The following SEC14L5 variants were observed in gnomAD, a reference collection of about 807,000 sequenced individuals.
SEC14L5 encodes the protein SEC14 like lipid binding 5.
A neutral mutation model predicts 84.6 loss-of-function variants in SEC14L5; 96 were observed. That is an observed-to-expected ratio of 1.13 (90% CI 0.96 to 1.34). SEC14L5 has a LOEUF of 1.34. Ranked by LOEUF, SEC14L5 falls within the 40% of genes most tolerant of loss-of-function variation. SEC14L5 has a pLI of 0.00. For missense variants in SEC14L5, 1,224 were observed against 942.5 expected, an observed-to-expected ratio of 1.30 and a Z score of -3.91; for synonymous variants, 546 against 383.4, an observed-to-expected ratio of 1.42 and a Z score of -4.95.
chr16:4,973,970 C>T (rs1955309349), intron 2 of SEC14L5, among the ~76,000 whole-genome samples: 1 of 151,200 alleles, frequency 6.6e-6, no homozygotes. Context: ...AGGTGTAAGC[C>T]ACCTCACCAG....
chr16:4,996,244 G>A (rs549257439), intron 6 of SEC14L5, 104 bp from the exon 7 acceptor site: 94 of 709,204 alleles, frequency 1.3e-4, no homozygotes, highest in Middle Eastern at 4.8e-4. Flanking sequence ...TTGGAACCAC[G>A]TTTTAGAGTC....
At chr16:4,967,708 G>T (rs1016811268) in intron 2 of SEC14L5, among the ~76,000 whole-genome samples, 1 of 150,674 alleles carries the variant, frequency 6.6e-6, no homozygotes, top group Admixed American at 6.6e-5. Flanking sequence ...GAGTAGCTGG[G>T]ATTACAGGTG....
intron 10 of SEC14L5, among the ~76,000 whole-genome samples, chr16:5,003,195 G>A (rs1487930051): frequency 6.6e-6 from 1 of 152,240 alleles, no homozygotes; most frequent in Non-Finnish European, 1.5e-5. Context: ...GGCTCTCAGG[G>A]GTGCAGGTGA....
rs1166095773 is a variant in SEC14L5 at position 5,008,587 on chromosome 16, T to C, written c.1739T>C (p.Leu580Pro). The change falls in exon 14 of 16, where the codon CTG (leucine) becomes CCG (proline). Residue 580 changes from leucine to proline, a missense_variant. Physicochemically the swap from Leu to Pro is moderately conservative, Grantham distance 98. Coordinates refer to ENST00000251170, the MANE Select transcript of SEC14L5 (RefSeq NM_014692.2). The part of the protein sequence containing the change: ...SGQLIDKGWV[L>P]GRDYSRVEAP... The stretch of plus-strand genomic sequence containing the variant: ...CAGCTGATCGACAAAGGCTGGGTCC[T>C]GGGCAGGGATTACAGCCGTGTGGAG... 5.0e-6 allele frequency: 8 copies of C among 1,606,658 alleles called. No homozygotes were observed. The highest frequency in any genetic ancestry group is 6.8e-6 in the Non-Finnish European group (8 of 1,177,958).
At position 5,018,819 on chromosome 16, in the gene SEC14L5, G is replaced by C. The variant is rs1263746705; in HGVS notation, c.*3849G>C. ...TCTTTTTTTCTACCCTGCACTCTCT[G>C]GAATTCCCCCTCCCTGCTGTAAAAT... On this transcript the variant is annotated 3_prime_UTR_variant, in exon 16 of 16. Coordinates refer to ENST00000251170, the MANE Select transcript of SEC14L5 (RefSeq NM_014692.2). 14 of 152,078 alleles carry C rather than the reference G, an allele frequency of 9.2e-5. No homozygotes were observed. Among genetic ancestry groups the C allele is most frequent in the African/African-American group, 3.4e-4 (14 of 41,402 alleles). The allele number at this position is 152,078 out of a possible 1,614,324, so 9.4% of individuals were successfully genotyped here. A position where few individuals can be genotyped will look rare whatever the true frequency, so the allele number is the denominator to read the frequency against.
intron 6 of SEC14L5, among the ~76,000 whole-genome samples, chr16:4,993,577 A>G (rs758595769): frequency 1.1e-4 from 16 of 152,218 alleles, no homozygotes; most frequent in Non-Finnish European, 2.4e-4. Context: ...CTAGTTCCCT[A>G]TTGAAGGAAA....
intron 6 of SEC14L5, among the ~76,000 whole-genome samples, chr16:4,994,386 C>G (rs1955585041): frequency 1.3e-5 from 2 of 152,022 alleles, no homozygotes; most frequent in African/African-American, 4.8e-5. Flanking sequence ...ATCTGTCACC[C>G]AGGCTGGAGT....
chr16:4,967,713 C>T (rs981783831), intron 2 of SEC14L5, among the ~76,000 whole-genome samples: 7 of 151,016 alleles, frequency 4.6e-5, no homozygotes, highest in Non-Finnish European at 8.9e-5. Context: ...GCTGGGATTA[C>T]AGGTGCCCGC....
At chr16:4,961,680 G>C (rs960208097) in intron 2 of SEC14L5, among the ~76,000 whole-genome samples, 1 of 152,148 alleles carries the variant, frequency 6.6e-6, no homozygotes, top group Non-Finnish European at 1.5e-5. Context: ...TTATTTTCAA[G>C]TGCAATGATT....
At chr16:4,961,280 A>G (rs964624286) in intron 2 of SEC14L5, among the ~76,000 whole-genome samples, 3 of 148,782 alleles carry the variant, frequency 2.0e-5, no homozygotes. Context: ...CTCAACAACA[A>G]CAACAGCAAC....
At chr16:4,999,034 T>G (rs1336307607) in intron 8 of SEC14L5, among the ~76,000 whole-genome samples, 1 of 152,206 alleles carries the variant, frequency 6.6e-6, no homozygotes, top group Non-Finnish European at 1.5e-5. Flanking sequence ...TGCCTTTTTG[T>G]TTCAGTTCTC....
intron 2 of SEC14L5, among the ~76,000 whole-genome samples, chr16:4,976,457 T>A (rs535328807): frequency 1.4e-4 from 21 of 152,312 alleles, no homozygotes; most frequent in African/African-American, 4.6e-4. Flanking sequence ...CCTATTTCAG[T>A]AGTTGTGATG....
intron 15 of SEC14L5, among the ~76,000 whole-genome samples, chr16:5,011,817 G>C (rs1415730146): frequency 6.6e-6 from 1 of 152,140 alleles, no homozygotes; most frequent in African/African-American, 2.4e-5. Context: ...TTGTCATGAG[G>C]ATGAGATGGC....
intron 11 of SEC14L5, among the ~76,000 whole-genome samples, chr16:5,004,974 A>C (rs1021461964): frequency 6.6e-6 from 1 of 152,228 alleles, no homozygotes; most frequent in African/African-American, 2.4e-5. Context: ...GAAAGGGGCC[A>C]GACACGGAAG....
chr16:5,004,900 C>T (rs894883679), intron 11 of SEC14L5, among the ~76,000 whole-genome samples: 3 of 152,178 alleles, frequency 2.0e-5, no homozygotes, highest in Non-Finnish European at 4.4e-5. Context: ...TAGCATTCGT[C>T]CATAAGAAGG....
chr16:4,978,756 C>G (rs980931098), intron 2 of SEC14L5, among the ~76,000 whole-genome samples: 5 of 149,482 alleles, frequency 3.3e-5, no homozygotes, highest in African/African-American at 1.2e-4. Flanking sequence ...GCGCCTGCCA[C>G]CACGCTCGGC....
chr16:4,967,173 G>C (rs1955210944), intron 2 of SEC14L5, among the ~76,000 whole-genome samples: 1 of 152,164 alleles, frequency 6.6e-6, no homozygotes, highest in Non-Finnish European at 1.5e-5. Flanking sequence ...TGAATTCAAG[G>C]TGTGGGCAGG....
At chr16:4,979,921 G>T (rs1000844250) in intron 2 of SEC14L5, among the ~76,000 whole-genome samples, 1 of 152,172 alleles carries the variant, frequency 6.6e-6, no homozygotes, top group African/African-American at 2.4e-5. Context: ...CAGGTCCCCT[G>T]CTTTGCGAGT....
intron 14 of SEC14L5, among the ~76,000 whole-genome samples, chr16:5,010,550 G>A (rs1014889293): frequency 6.6e-6 from 1 of 152,108 alleles, no homozygotes; most frequent in Non-Finnish European, 1.5e-5. Flanking sequence ...AGTTGCTGTC[G>A]ATCTCACCGA....
Sources: gnomAD v4.1 joint callset for allele counts (sites outside exome capture counted in the v4.1 genomes callset) on GRCh38, gnomAD v4.1.1 for gene constraint, MANE v1.5 for transcripts, NCBI Gene and HGNC (gene_info 2026-07-23, HGNC 2026-07-21) for gene names.